NCOA2: variants seen among roughly 807,000 people sequenced by gnomAD.
NCOA2 encodes nuclear receptor coactivator 2.
In NCOA2, 21 loss-of-function variants were observed where a neutral mutation model predicts 145.1. The ratio of observed to expected loss-of-function variants is 0.14; its 90% CI spans 0.10 to 0.21. The LOEUF is 0.21. Ranked by LOEUF, NCOA2 falls within the 10% of genes least tolerant of loss-of-function variation. The pLI, the probability that NCOA2 is intolerant of heterozygous loss-of-function variation, is 1.00. For synonymous variants in NCOA2, 619 were observed against 637.5 expected (o/e 0.97, Z 0.44); for missense variants, 1,472 against 1,837.6 (o/e 0.80, Z 3.64).
Position 70,113,498 on chromosome 8 carries a change from G to GC in NCOA2, c.*133dup. ...AGTGGACGCCACCCTGGGAACCAGG[G>GC]CCAGGCCTGTCTGCTCTAGCAGAAC... On this transcript the variant is annotated 3_prime_UTR_variant, in exon 23 of 23. Coordinates refer to ENST00000452400, the MANE Select transcript of NCOA2 (RefSeq NM_006540.4). 9.8e-7 allele frequency: 1 copy of GC among 1,017,368 alleles called. No individual in the cohort carries two copies. The highest frequency in any genetic ancestry group is 2.2e-5 in the Admixed American group (1 of 45,130). 63.0% of individuals were successfully genotyped at this position (1,017,368 alleles called of 1,614,324 possible).
chr8:70,383,555 G>A (rs1812400909), intron 1 of NCOA2, among the ~76,000 whole-genome samples: 1 of 152,104 alleles, frequency 6.6e-6, no homozygotes, highest in Admixed American at 6.5e-5. Context: ...GCCCAGGCTG[G>A]AGTGCAATGG....
chr8:70,424,133 T>C, the NCOA2 span: 1 of 195,694 alleles, frequency 5.1e-6, no homozygotes, highest in African/African-American at 2.4e-5. Flanking sequence ...ACTTAGTGCT[T>C]CTTGGACACA....
At chr8:70,410,505 A>C in the NCOA2 span, among the ~76,000 whole-genome samples, 2 of 151,962 alleles carry the variant, frequency 1.3e-5, no homozygotes, top group Non-Finnish European at 2.9e-5. Flanking sequence ...TTTTTTATTT[A>C]TTTATTTATT....
the NCOA2 span, among the ~76,000 whole-genome samples, chr8:70,425,691 G>A: frequency 6.6e-6 from 1 of 152,134 alleles, no homozygotes; most frequent in African/African-American, 2.4e-5. Flanking sequence ...TTCTTTGCTT[G>A]CACACTAAGT....
chr8:70,190,439 G>A (rs535486563), intron 4 of NCOA2, among the ~76,000 whole-genome samples: 3 of 152,284 alleles, frequency 2.0e-5, no homozygotes, highest in South Asian at 2.1e-4. Flanking sequence ...TCACGTATCC[G>A]AATATGGATT....
chr8:70,123,559 C>T (rs1808066383), intron 21 of NCOA2, among the ~76,000 whole-genome samples: 1 of 151,202 alleles, frequency 6.6e-6, no homozygotes, highest in Non-Finnish European at 1.5e-5. Context: ...CCAAATAGAG[C>T]TATTTTAAAA....
intron 2 of NCOA2, among the ~76,000 whole-genome samples, chr8:70,231,085 ATTAT>A (rs1013972890): frequency 2.5e-4 from 38 of 152,332 alleles, no homozygotes; most frequent in African/African-American, 9.1e-4. Context: ...TAGAAATGTA[ATTAT>A]TAGATCAAAG....
intron 1 of NCOA2, among the ~76,000 whole-genome samples, chr8:70,315,654 G>C (rs1805525809): frequency 6.6e-6 from 1 of 152,162 alleles, no homozygotes; most frequent in African/African-American, 2.4e-5. Flanking sequence ...TAAAGGAAAA[G>C]AAAGCCATGA....
At chr8:70,159,357 A>G in intron 10 of NCOA2, 148 bp downstream of exon 10, 1 of 745,558 alleles carries the variant, frequency 1.3e-6, no homozygotes, top group Non-Finnish European at 2.0e-6. Context: ...GCCAACAGCT[A>G]ATAACAATTT....
chr8:70,162,907 A>T (rs960173928), intron 8 of NCOA2, 53 bp from the exon 9 acceptor site: 1 of 1,266,522 alleles, frequency 7.9e-7, no homozygotes, highest in Admixed American at 2.9e-5. Context: ...TCTTTATGGA[A>T]ATAATTTTTT....
chr8:70,398,640 C>A (rs1261327894), intron 1 of NCOA2, among the ~76,000 whole-genome samples: 1 of 152,164 alleles, frequency 6.6e-6, no homozygotes, highest in Non-Finnish European at 1.5e-5. Flanking sequence ...AAGATGTTTT[C>A]TTTTTCCTTT....
chr8:70,119,702 ATC>A (rs1271189339), intron 22 of NCOA2, among the ~76,000 whole-genome samples: 17 of 152,274 alleles, frequency 1.1e-4, no homozygotes, highest in African/African-American at 4.1e-4. Context: ...TCTTGCCGAC[ATC>A]TGTTATTTTT....
At chr8:70,177,267 G>C (rs1285285079) in intron 4 of NCOA2, among the ~76,000 whole-genome samples, 3 of 152,194 alleles carry the variant, frequency 2.0e-5, no homozygotes, top group African/African-American at 7.2e-5. Context: ...CTGAGATTCT[G>C]ATACATCTTC....
chr8:70,154,012 C>A (rs1161540766), intron 11 of NCOA2, among the ~76,000 whole-genome samples: 1 of 152,156 alleles, frequency 6.6e-6, no homozygotes, highest in Non-Finnish European at 1.5e-5. Context: ...TGCTTAGAAG[C>A]CTAGATGGAG....
At chr8:70,121,422 G>A (rs1326243051) in intron 21 of NCOA2, 31 bp from the exon 22 acceptor site, 13 of 1,548,462 alleles carry the variant, frequency 8.4e-6, no homozygotes, top group Admixed American at 5.2e-5. Context: ...CAGTGGCTAC[G>A]CAGAGCAGAA....
At chr8:70,131,066 CT>C (rs1485960852) in intron 16 of NCOA2, among the ~76,000 whole-genome samples, 1 of 152,170 alleles carries the variant, frequency 6.6e-6, no homozygotes, top group Admixed American at 6.6e-5. Context: ...GATTAGTTAA[CT>C]TTTTTATATT....
Position 70,299,141 on chromosome 8 carries a change from G to A in NCOA2, c.-76-2341C>T, listed in dbSNP as rs562790859. On this transcript the variant is annotated intron_variant, in intron 1 of 22. Transcript: ENST00000452400. The stretch of plus-strand genomic sequence containing the variant: ...AGATACTAAAATTTCCAAACATCTA[G>A]ATACCTTGGTGTAACATTTTAAACA... 8.3e-4 allele frequency among the ~76,000 whole-genome samples: 126 copies of A among 152,202 alleles called. 1 individual carries two copies. The highest frequency in any genetic ancestry group is 2.9e-3 in the African/African-American group (122 of 41,536).
chr8:70,309,869 G>A lies in NCOA2; in HGVS notation c.-76-13069C>T, dbSNP rs572338985. Among the ~76,000 whole-genome samples, 16 of 152,126 alleles carry A rather than the reference G, an allele frequency of 1.1e-4. No homozygotes were observed. The East Asian group carries it at 1.7e-3, about 17-fold the overall frequency. On this transcript the variant is annotated intron_variant, in intron 1 of 22. Transcript: ENST00000452400. ...CTCAGGAGGCTGAGGCAGGAGGATC[G>A]TTTGAGCCCAGGAGATTGAGGATGC...
the NCOA2 span, among the ~76,000 whole-genome samples, chr8:70,439,289 G>T: frequency 5.3e-5 from 8 of 152,162 alleles, no homozygotes; most frequent in Non-Finnish European, 7.4e-5. Flanking sequence ...AACTCACAGA[G>T]ACATAATGGA....
Sources: allele counts gnomAD v4.1 joint callset (sites outside exome capture counted in the v4.1 genomes callset), GRCh38; gene constraint gnomAD v4.1.1; transcripts MANE v1.5; gene names NCBI Gene and HGNC (gene_info 2026-07-23, HGNC 2026-07-21).